Variants in SCHIP1 observed in about 807,000 individuals in gnomAD.
SCHIP1 encodes the protein schwannomin interacting protein 1.
Under a neutral mutation model 29.7 loss-of-function variants are expected in SCHIP1, and 8 were observed. That is an observed-to-expected ratio of 0.27 (90% confidence interval 0.16 to 0.49). The LOEUF is 0.49. SCHIP1 is among the 20% of genes least tolerant of loss of function. The pLI, the probability that SCHIP1 is intolerant of heterozygous loss-of-function variation, is 0.99. For synonymous variants in SCHIP1, 76 were observed against 94.9 expected, an observed-to-expected ratio of 0.80 and a Z score of 1.16; for missense variants, 193 against 294.6, an observed-to-expected ratio of 0.66 and a Z score of 2.52.
At chr3:159,642,161 AATGAG>A in the SCHIP1 span, among the ~76,000 whole-genome samples, 2 of 152,174 alleles carry the variant, frequency 1.3e-5, no homozygotes, top group African/African-American at 4.8e-5. Flanking sequence ...TAGGAGGATT[AATGAG>A]ATAATACATA....
At chr3:159,535,698 TAC>T in the SCHIP1 span, among the ~76,000 whole-genome samples, 1 of 152,218 alleles carries the variant, frequency 6.6e-6, no homozygotes. Flanking sequence ...CCACTGTCAT[TAC>T]AGAAGTAGTT....
the SCHIP1 span, among the ~76,000 whole-genome samples, chr3:159,628,119 T>G: frequency 6.6e-6 from 1 of 152,182 alleles, no homozygotes; most frequent in Non-Finnish European, 1.5e-5. Context: ...AGTGGAGTTT[T>G]TAGCAGTCTT....
the SCHIP1 span, among the ~76,000 whole-genome samples, chr3:159,417,821 G>A: frequency 6.6e-6 from 1 of 152,178 alleles, no homozygotes; most frequent in Admixed American, 6.5e-5. Flanking sequence ...CATTGGGGCT[G>A]CTCTCTTGAA....
the SCHIP1 span, among the ~76,000 whole-genome samples, chr3:159,379,591 C>T: frequency 6.6e-6 from 1 of 152,138 alleles, no homozygotes; most frequent in Non-Finnish European, 1.5e-5. Context: ...TTATGTAGTG[C>T]ATTGATGAGT....
the SCHIP1 span, among the ~76,000 whole-genome samples, chr3:159,478,564 G>A: frequency 6.6e-6 from 1 of 151,926 alleles, no homozygotes. Context: ...GGCCATTCAG[G>A]GTCTTTTGTG....
At chr3:159,652,669 C>A in the SCHIP1 span, among the ~76,000 whole-genome samples, 5 of 151,978 alleles carry the variant, frequency 3.3e-5, no homozygotes, top group African/African-American at 9.7e-5. Context: ...GAGGGGTGTG[C>A]AATGACGACT....
chr3:159,656,902 T>A, the SCHIP1 span, among the ~76,000 whole-genome samples: 1 of 152,108 alleles, frequency 6.6e-6, no homozygotes, highest in Non-Finnish European at 1.5e-5. Flanking sequence ...CCTCCACCCA[T>A]CCTCTTCTGT....
chr3:159,609,049 A>C, the SCHIP1 span, among the ~76,000 whole-genome samples: 1 of 152,222 alleles, frequency 6.6e-6, no homozygotes, highest in African/African-American at 2.4e-5. Context: ...TAAGAATAAA[A>C]TATAACCTCT....
At chr3:159,824,991 T>G in the SCHIP1 span, among the ~76,000 whole-genome samples, 3 of 152,352 alleles carry the variant, frequency 2.0e-5, no homozygotes, top group East Asian at 5.8e-4. Flanking sequence ...GTCTTCCTAC[T>G]GGCCATTTTG....
At chr3:159,589,756 G>A in the SCHIP1 span, among the ~76,000 whole-genome samples, 1 of 152,122 alleles carries the variant, frequency 6.6e-6, no homozygotes, top group East Asian at 1.9e-4. Flanking sequence ...GATACAAAAG[G>A]GACTATACTG....
chr3:159,772,866 G>A, the SCHIP1 span, among the ~76,000 whole-genome samples: 1 of 151,940 alleles, frequency 6.6e-6, no homozygotes, highest in Non-Finnish European at 1.5e-5. Flanking sequence ...TCAGCCTCCT[G>A]AGTAGCTGGG....
chr3:159,457,865 G>A, the SCHIP1 span, among the ~76,000 whole-genome samples: 1 of 152,164 alleles, frequency 6.6e-6, no homozygotes, highest in Non-Finnish European at 1.5e-5. Context: ...ATGTAAATGT[G>A]CCCCCCAAAA....
At chr3:159,843,001 C>CTTCTTTTTTTTTTT (rs1744394617) in intron 1 of SCHIP1, among the ~76,000 whole-genome samples, 29 of 63,732 alleles carry the variant, frequency 4.6e-4, no homozygotes, top group African/African-American at 1.3e-3. Flanking sequence ...ATATTTCTTT[C>CTTCTTTTTTTTTTT]TTTTTTTTTT....
At chr3:159,798,808 CA>C in the SCHIP1 span, among the ~76,000 whole-genome samples, 43 of 152,206 alleles carry the variant, frequency 2.8e-4, no homozygotes, top group African/African-American at 9.4e-4. Context: ...AACAGCCAAA[CA>C]AGGCTTATTT....
At chr3:159,330,907 G>A in the SCHIP1 span, among the ~76,000 whole-genome samples, 366 of 152,096 alleles carry the variant, frequency 2.4e-3, 1 homozygote, top group Non-Finnish European at 4.4e-3. Context: ...CTTCCTCAAG[G>A]TGAGCTCGTT....
chr3:159,451,932 C>G, the SCHIP1 span, among the ~76,000 whole-genome samples: 1 of 151,982 alleles, frequency 6.6e-6, no homozygotes, highest in Non-Finnish European at 1.5e-5. Context: ...TTTTTACCCT[C>G]AAATAAATAT....
chr3:159,517,749 A>T, the SCHIP1 span, among the ~76,000 whole-genome samples: 73 of 152,084 alleles, frequency 4.8e-4, no homozygotes, highest in African/African-American at 1.7e-3. Flanking sequence ...ACACCCTAAA[A>T]CCTTCTTAAT....
At chr3:159,364,443 G>T in the SCHIP1 span, among the ~76,000 whole-genome samples, 2 of 152,132 alleles carry the variant, frequency 1.3e-5, no homozygotes, top group Admixed American at 6.5e-5. Context: ...CACAGAGAAA[G>T]AAATCTTTGT....
chr3:159,636,294 T>C, the SCHIP1 span, among the ~76,000 whole-genome samples: 1 of 152,156 alleles, frequency 6.6e-6, no homozygotes, highest in Non-Finnish European at 1.5e-5. Flanking sequence ...GTGATCCACC[T>C]GCCTCGGCCT....
Sources: allele counts gnomAD v4.1 joint callset (sites outside exome capture counted in the v4.1 genomes callset), GRCh38; gene constraint gnomAD v4.1.1; transcripts MANE v1.5; gene names NCBI Gene and HGNC (gene_info 2026-07-23, HGNC 2026-07-21).